The following OR4P4 variants were observed in gnomAD, a reference collection of about 807,000 sequenced individuals.
OR4P4 encodes olfactory receptor family 4 subfamily P member 4.
In OR4P4, 1 loss-of-function variant was observed where a neutral mutation model predicts 2.1. The observed-to-expected ratio is 0.47, with a 90% CI of 0.17 to 2.21. OR4P4 has a LOEUF of 2.21. Among genes scored for constraint, OR4P4 ranks in the 30% most tolerant of loss-of-function variants. The pLI, the probability that OR4P4 is intolerant of heterozygous loss-of-function variation, is 0.27. For synonymous variants in OR4P4, 129 were observed against 133.2 expected (o/e 0.97, Z 0.22); for missense variants, 375 against 376.5 (o/e 1.00, Z 0.03).
chr11:55,635,915 G>A (rs1335983540), intron 1 of OR4P4, among the ~76,000 whole-genome samples: 1 of 137,444 alleles, frequency 7.3e-6, no homozygotes, highest in African/African-American at 2.5e-5. Flanking sequence ...GGGATGAGAT[G>A]ACATATTCTA....
In OR4P4 at chr11:55,640,227, T is replaced by C. The variant is rs1858442455; in HGVS notation, c.*931T>C. The C allele has an allele frequency of 1.5e-5, 2 of 136,770 alleles. 1 individual carries two copies. The allele number at this position is 136,770 out of a possible 1,614,324, so 8.5% of individuals were successfully genotyped here. A position where few individuals can be genotyped will look rare whatever the true frequency, so the allele number is the denominator to read the frequency against. On this transcript the variant is annotated 3_prime_UTR_variant, in exon 2 of 2. Transcript: ENST00000641760. ...AGAGTAAGAGTGATTTACATTTTGTTGCTGCGTGTGTGTCTTCTTAGTGTT... is the reference window on the plus strand; with the variant it reads ...AGAGTAAGAGTGATTTACATTTTGTCGCTGCGTGTGTGTCTTCTTAGTGTT...
intron 1 of OR4P4, among the ~76,000 whole-genome samples, chr11:55,636,773 A>G (rs1858393619): frequency 7.3e-6 from 1 of 137,910 alleles, no homozygotes; most frequent in African/African-American, 2.5e-5. Flanking sequence ...TATTCTTTTA[A>G]ATGTCCTTTA....
Position 55,637,990 on chromosome 11 carries a change from C to T in OR4P4, c.-30-338C>T, listed in dbSNP as rs148139904. On this transcript the variant is annotated intron_variant, in intron 1 of 1. Transcript: ENST00000641760. ...AATCCCAGAGAGTAAAAGCAGTATC[C>T]TTTGCAAGGAATTATTTTGTATTAC... Among the ~76,000 whole-genome samples the T allele has an allele frequency of 9.2e-4, 127 of 137,984 alleles. 14 individuals carry two copies. Among genetic ancestry groups the T allele is most frequent in the African/African-American group, 3.0e-3 (121 of 39,922 alleles). 90.5% of individuals were successfully genotyped at this position (137,984 alleles called of 152,430 possible).
rs759500451 is a variant in OR4P4, at chr11:55,638,553, C to T, written c.196C>T (p.Leu66Phe). The change falls in exon 2 of 2, where the codon CTC becomes TTC. Residue 66 changes from leucine to phenylalanine, a missense_variant. Coordinates refer to ENST00000641760, the Ensembl canonical transcript of OR4P4. The stretch of plus-strand genomic sequence containing the variant: ...GTATTTCTTCCTCAATTACCTCTCA[C>T]TCTCCGACCTTTGCTACACATCCAC... The T allele has an allele frequency of 2.7e-6, 4 of 1,481,020 alleles. 1 individual carries two copies. Among genetic ancestry groups the T allele is most frequent in the African/African-American group, 2.8e-5 (2 of 72,524 alleles). The allele number at this position is 1,481,020 out of a possible 1,614,324, so 91.7% of individuals were successfully genotyped here. A position where few individuals can be genotyped will look rare whatever the true frequency, so the allele number is the denominator to read the frequency against.
Position 55,638,558 on chromosome 11 carries a change from C to T in OR4P4, c.201C>T (p.Ser67=), listed in dbSNP as rs760950056. 18 of 1,480,430 alleles carry T rather than the reference C, an allele frequency of 1.2e-5. 4 individuals are homozygous for T. Among genetic ancestry groups the T allele is most frequent in the South Asian group, 4.8e-5 (4 of 83,970 alleles). The allele number at this position is 1,480,430 out of a possible 1,614,324, so 91.7% of individuals were successfully genotyped here. The change falls in exon 2 of 2, where the codon TCC becomes TCT. Residue 67 remains serine, a synonymous_variant. Transcript: ENST00000641760. The stretch of plus-strand genomic sequence containing the variant: ...TCTTCCTCAATTACCTCTCACTCTC[C>T]GACCTTTGCTACACATCCACAGTGA...
rs1428527633 is a variant in OR4P4, at chr11:55,640,304, A to T, written c.*1008A>T. 5.9e-5 allele frequency: 8 copies of T among 136,098 alleles called. 1 individual carries two copies. The highest frequency in any genetic ancestry group is 1.6e-4 in the Admixed American group (2 of 12,342). 8.4% of individuals were successfully genotyped at this position (136,098 alleles called of 1,614,324 possible). A position where few individuals can be genotyped will look rare whatever the true frequency, so the allele number is the denominator to read the frequency against. ...GTAAGTTTTCTGACTGTTTTCATTGATGTATACGGTATCTTATCATATGAA... is the reference window on the plus strand; with the variant it reads ...GTAAGTTTTCTGACTGTTTTCATTGTTGTATACGGTATCTTATCATATGAA... On this transcript the variant is annotated 3_prime_UTR_variant, in exon 2 of 2. Transcript: ENST00000641760.
rs1422995169 is a variant in OR4P4 at position 55,636,611 on chromosome 11, G to A, written c.-31+1395G>A. The stretch of plus-strand genomic sequence containing the variant: ...GTTATAAATTCAGACTTTGGAGTCA[G>A]AGAACTCAGATTTTAAGCCTTAGTT... On this transcript the variant is annotated intron_variant, in intron 1 of 1. Transcript: ENST00000641760. 8.0e-5 allele frequency among the ~76,000 whole-genome samples: 11 copies of A among 137,434 alleles called. 3 individuals carry two copies. The highest frequency in any genetic ancestry group is 2.4e-4 in the Admixed American group (3 of 12,612). 90.2% of individuals were successfully genotyped at this position (137,434 alleles called of 152,430 possible).
intron 1 of OR4P4, among the ~76,000 whole-genome samples, chr11:55,637,069 C>T (rs1231463839): frequency 7.3e-6 from 1 of 137,354 alleles, no homozygotes; most frequent in Non-Finnish European, 1.6e-5. Context: ...AGAAAAATTG[C>T]CAGGTAGAGA....
rs1257750057 is a variant in OR4P4 at position 55,635,236 on chromosome 11, G to C, written c.-31+20G>C. 1 of 137,720 alleles carries C rather than the reference G, an allele frequency of 7.3e-6. No individual in the cohort carries two copies. The highest frequency in any genetic ancestry group is 2.5e-5 in the African/African-American group (1 of 39,858). The allele number at this position is 137,720 out of a possible 1,614,324, so 8.5% of individuals were successfully genotyped here. ...TAATTGGTGAGTTGATTACATGGGG[G>C]ACATATAAATAATTAACTGTAAGTA... On this transcript the variant is annotated intron_variant, in intron 1 of 1. Coordinates refer to ENST00000641760, the Ensembl canonical transcript of OR4P4.
At chr11:55,636,650 T>C (rs1165526942) in intron 1 of OR4P4, among the ~76,000 whole-genome samples, 2 of 137,908 alleles carry the variant, frequency 1.5e-5, no homozygotes, top group Admixed American at 1.6e-4. Context: ...TATATACCAT[T>C]TGTGTTACTA....
rs746139386 is a variant in OR4P4 at position 55,639,138 on chromosome 11, A to G, written c.781A>G (p.Thr261Ala). The G allele has an allele frequency of 1.1e-5, 16 of 1,494,186 alleles. 3 individuals are homozygous for G. Among genetic ancestry groups the G allele is most frequent in the Admixed American group, 6.0e-5 (3 of 50,264 alleles). 92.6% of individuals were successfully genotyped at this position (1,494,186 alleles called of 1,614,324 possible). Residue 261 changes from threonine to alanine, a missense_variant, in exon 2 of 2, where the codon ACA becomes GCA. Thr to Ala is a moderately conservative substitution (Grantham distance 58). Coordinates refer to ENST00000641760, the Ensembl canonical transcript of OR4P4. ...ATTGTTCATTTACATTAGACCGGTC[A>G]CAACATTCTCAGAAGATAAAGTGTT...
In OR4P4 at chr11:55,639,147, T is replaced by A; in HGVS notation, c.790T>A (p.Ser264Thr). ...TTACATTAGACCGGTCACAACATTC[T>A]CAGAAGATAAAGTGTTTGCCCTTTT... Residue 264 changes from serine to threonine, a missense_variant, in exon 2 of 2, where the codon TCA (serine) becomes ACA (threonine). Ser to Thr is a moderately conservative substitution (Grantham distance 58, BLOSUM62 1). Coordinates refer to ENST00000641760, the Ensembl canonical transcript of OR4P4. 1.3e-6 allele frequency: 2 copies of A among 1,493,870 alleles called. 1 individual carries two copies. Among genetic ancestry groups the A allele is most frequent in the South Asian group, 2.4e-5 (2 of 84,958 alleles). The allele number at this position is 1,493,870 out of a possible 1,614,324, so 92.5% of individuals were successfully genotyped here.
At chr11:55,639,505 G>C (rs1858434260) in exon 2 of OR4P4, 1 of 382,000 alleles carries the variant, frequency 2.6e-6, no homozygotes, top group Non-Finnish European at 4.6e-6. Flanking sequence ...CATTACGATT[G>C]TGCTTATGTG....
At position 55,638,777 on chromosome 11, in the gene OR4P4, C is replaced by T; in HGVS notation, c.420C>T (p.Asn140=). 1.3e-6 allele frequency: 2 copies of T among 1,492,384 alleles called. 1 individual carries two copies. Among genetic ancestry groups the T allele is most frequent in the Middle Eastern group, 3.8e-4 (2 of 5,298 alleles). 92.4% of individuals were successfully genotyped at this position (1,492,384 alleles called of 1,614,324 possible). ...TTATTATGAGCAGGCAAAAGTGTAACACAATCATCATAGTTTGTTGTACTG... is the reference window on the plus strand; with the variant it reads ...TTATTATGAGCAGGCAAAAGTGTAATACAATCATCATAGTTTGTTGTACTG... The change falls in exon 2 of 2, where the codon AAC becomes AAT. Residue 140 remains asparagine (N), a synonymous_variant. Transcript: ENST00000641760.
rs1858414831 is a variant in OR4P4, at chr11:55,638,469, A to C, written c.112A>C (p.Met38Leu). The C allele has an allele frequency of 1.4e-6, 2 of 1,471,606 alleles. 1 individual carries two copies. Among genetic ancestry groups the C allele is most frequent in the Non-Finnish European group, 1.9e-6 (2 of 1,079,512 alleles). 91.2% of individuals were successfully genotyped at this position (1,471,606 alleles called of 1,614,324 possible). The change falls in exon 2 of 2, where the codon ATG becomes CTG. Residue 38 changes from methionine (M) to leucine (L), a missense_variant. Transcript: ENST00000641760. ...TTTGTTTTGCTACATTGCTATTTGGATGGGAAACTTACTCATAATGATTTC... is the reference window on the plus strand; with the variant it reads ...TTTGTTTTGCTACATTGCTATTTGGCTGGGAAACTTACTCATAATGATTTC...
chr11:55,638,414 G>C, exon 2 of OR4P4: 1 of 1,453,974 alleles, frequency 6.9e-7, no homozygotes, highest in South Asian at 1.2e-5. Flanking sequence ...CCCAAAATAA[G>C]AACATTGAAG....
At chr11:55,638,665 A>G (rs761480480) in exon 2 of OR4P4, 3 of 1,492,080 alleles carry the variant, frequency 2.0e-6, no homozygotes, top group Non-Finnish European at 2.7e-6. Flanking sequence ...TTTACCACCC[A>G]TTTTTTTGGA....
chr11:55,638,902 T>G lies in OR4P4; in HGVS notation c.545T>G (p.Leu182Trp), dbSNP rs753472364. The G allele has an allele frequency of 1.4e-5, 21 of 1,492,958 alleles. 5 individuals are homozygous for G. Among genetic ancestry groups the G allele is most frequent in the Non-Finnish European group, 1.8e-5 (20 of 1,097,918 alleles). The allele number at this position is 1,492,958 out of a possible 1,614,324, so 92.5% of individuals were successfully genotyped here. A position where few individuals can be genotyped will look rare whatever the true frequency, so the allele number is the denominator to read the frequency against. The change falls in exon 2 of 2, where the codon TTG (leucine) becomes TGG (tryptophan). Residue 182 changes from leucine to tryptophan, a missense_variant. Leu to Trp is a moderately conservative substitution (Grantham distance 61). Transcript: ENST00000641760. ...CACTACTTCTGTGATGTGTATCCTT[T>G]GCTGAAATTGGCCTGTTCTAATATA...
chr11:55,636,786 A>G lies in OR4P4; in HGVS notation c.-30-1542A>G, dbSNP rs563668510. Among the ~76,000 whole-genome samples the G allele has an allele frequency of 1.0e-3, 143 of 137,892 alleles. 15 individuals are homozygous for G. Among genetic ancestry groups the G allele is most frequent in the African/African-American group, 3.5e-3 (141 of 39,940 alleles). 90.5% of individuals were successfully genotyped at this position (137,892 alleles called of 152,430 possible). A position where few individuals can be genotyped will look rare whatever the true frequency, so the allele number is the denominator to read the frequency against. On this transcript the variant is annotated intron_variant, in intron 1 of 1. Transcript: ENST00000641760. ...TTTATTCTTTTAAATGTCCTTTATC[A>G]TCTATTATTAAGGTTGAGCTTCAGC...
Sources: allele counts gnomAD v4.1 joint callset (sites outside exome capture counted in the v4.1 genomes callset), GRCh38; gene constraint gnomAD v4.1.1; transcripts MANE v1.5; gene names NCBI Gene and HGNC (gene_info 2026-07-23, HGNC 2026-07-21).